Variants in COBL observed in about 807,000 individuals in gnomAD.
COBL encodes the protein cordon-bleu WH2 repeat protein.
Under a neutral mutation model 98.8 loss-of-function variants are expected in COBL, and 51 were observed. That is an observed-to-expected ratio of 0.52 (90% CI 0.41 to 0.65). The LOEUF (loss-of-function observed/expected upper bound fraction) is 0.65, where lower values mean the gene tolerates loss of function less well. COBL is among the 30% of genes least tolerant of loss of function. The pLI, the probability that COBL is intolerant of heterozygous loss-of-function variation, is 0.00. For synonymous variants in COBL, 634 were observed against 651.7 expected, an observed-to-expected ratio of 0.97 and a Z score of 0.41; for missense variants, 1,617 against 1,617.5, an observed-to-expected ratio of 1.00 and a Z score of 0.01.
chr7:51,026,646 T>C lies in COBL; in HGVS notation c.3404A>G (p.Glu1135Gly), dbSNP rs1326438952. 5.6e-6 allele frequency: 9 copies of C among 1,613,972 alleles called. 1 individual carries two copies. In the South Asian group the frequency reaches 9.9e-5, roughly 18 times the overall value. ...GTAGGACAGTTTCGCTGGCCTGCCC[T>C]CCCCGGTGTGTTCTGCCGTCTAGAA... ...RLRKTAEHTG[E>G]GRPAKLSYTE... is the part of the protein sequence containing the mutation. The change falls in exon 11 of 13, where the codon GAG becomes GGG. Residue 1135 changes from glutamate (E) to glycine (G), a missense_variant. Around this residue, in one of 3 missense-constraint regions of COBL, gnomAD observed 1,304 missense variants for 1,282.0 expected, o/e 1.02. Coordinates refer to ENST00000265136, the MANE Select transcript of COBL (RefSeq NM_015198.5).
chr7:51,018,904 AAATATAT>A (rs1319569839), intron 12 of COBL, among the ~76,000 whole-genome samples: 28 of 54,664 alleles, frequency 5.1e-4, no homozygotes, highest in African/African-American at 1.6e-3. Flanking sequence ...AAAAAAAAAA[AAATATAT>A]ATATATATAT....
intron 12 of COBL, among the ~76,000 whole-genome samples, chr7:51,023,366 G>T (rs761994446): frequency 6.6e-6 from 1 of 152,166 alleles, no homozygotes; most frequent in Non-Finnish European, 1.5e-5. Flanking sequence ...TTGCCATCTG[G>T]GTAAGGAGAC....
intron 6 of COBL, among the ~76,000 whole-genome samples, chr7:51,129,557 AGT>A (rs1213924530): frequency 6.6e-6 from 1 of 152,178 alleles, no homozygotes; most frequent in Non-Finnish European, 1.5e-5. Flanking sequence ...TAATGAGCAC[AGT>A]GTTAGACACT....
At chr7:51,117,727 G>A (rs10441470) in intron 6 of COBL, among the ~76,000 whole-genome samples, 13 of 151,942 alleles carry the variant, frequency 8.6e-5, no homozygotes, top group Non-Finnish European at 1.6e-4. Flanking sequence ...TCACATTTTC[G>A]AATAGGTCGC....
intron 1 of COBL, among the ~76,000 whole-genome samples, chr7:51,234,827 G>A (rs996522851): frequency 1.3e-5 from 2 of 152,154 alleles, no homozygotes; most frequent in Admixed American, 1.3e-4. Flanking sequence ...TGTGGAACAC[G>A]TCGCTTGGGT....
intron 5 of COBL, among the ~76,000 whole-genome samples, chr7:51,159,901 G>T (rs887683150): frequency 3.3e-5 from 5 of 152,024 alleles, no homozygotes; most frequent in African/African-American, 1.2e-4. Flanking sequence ...CTATTTTTTT[G>T]TTGTTGTTTT....
chr7:51,174,907 G>A (rs1788225188), intron 5 of COBL, among the ~76,000 whole-genome samples: 1 of 152,126 alleles, frequency 6.6e-6, no homozygotes, highest in African/African-American at 2.4e-5. Flanking sequence ...CGACATATCT[G>A]GTCTAAGTCG....
chr7:51,021,827 G>A (rs1159616349), intron 12 of COBL, among the ~76,000 whole-genome samples: 3 of 152,130 alleles, frequency 2.0e-5, no homozygotes, highest in Admixed American at 6.6e-5. Context: ...TTCCCAAATC[G>A]CAAATGTCTC....
At chr7:51,168,518 G>A (rs1056529738) in intron 5 of COBL, among the ~76,000 whole-genome samples, 2 of 151,930 alleles carry the variant, frequency 1.3e-5, no homozygotes, top group African/African-American at 4.8e-5. Flanking sequence ...ATGAAAAGAT[G>A]GTCAACATCA....
intron 5 of COBL, among the ~76,000 whole-genome samples, chr7:51,154,992 G>A (rs553871607): frequency 6.6e-6 from 1 of 152,290 alleles, no homozygotes; most frequent in Non-Finnish European, 1.5e-5. Flanking sequence ...TCCAGGCACT[G>A]CATTAGTTGA....
At chr7:51,278,299 C>G (rs1293839966) in intron 1 of COBL, among the ~76,000 whole-genome samples, 1 of 151,078 alleles carries the variant, frequency 6.6e-6, no homozygotes, top group Non-Finnish European at 1.5e-5. Flanking sequence ...GCCAGGTGGA[C>G]AAGGCACCCT....
At chr7:51,116,875 G>A (rs1006097367) in intron 6 of COBL, among the ~76,000 whole-genome samples, 3 of 152,188 alleles carry the variant, frequency 2.0e-5, no homozygotes, top group African/African-American at 7.2e-5. Context: ...CTTTAAAGAT[G>A]TCCCATTGTT....
chr7:51,192,819 G>A (rs1044405175), intron 3 of COBL, among the ~76,000 whole-genome samples: 7 of 151,986 alleles, frequency 4.6e-5, no homozygotes, highest in African/African-American at 1.7e-4. Flanking sequence ...GATACCAACT[G>A]CTTCCTGAGT....
At chr7:51,166,734 A>G (rs977443803) in intron 5 of COBL, among the ~76,000 whole-genome samples, 6 of 152,206 alleles carry the variant, frequency 3.9e-5, no homozygotes, top group African/African-American at 1.2e-4. Context: ...ATTCAACAAT[A>G]CATTAGAAAG....
intron 5 of COBL, among the ~76,000 whole-genome samples, chr7:51,171,475 T>C (rs1032179514): frequency 6.6e-6 from 1 of 152,156 alleles, no homozygotes; most frequent in African/African-American, 2.4e-5. Flanking sequence ...TCAATAAAAA[T>C]GAAGAGTCAC....
Position 51,029,294 on chromosome 7 carries a change from T to C in COBL, c.1802A>G (p.His601Arg), listed in dbSNP as rs763221718. ...TTTTCCGACGTCATGGGAAGCGGGG[T>C]GCAGGGCAGGTACTTCCTCCCTTGC... ...EKAREEVPAL[H>R]PASHDVGKGI... Residue 601 changes from histidine to arginine, a missense_variant, in exon 10 of 13, where the codon CAC becomes CGC. Transcript: ENST00000265136. 1 of 1,604,336 alleles carries C rather than the reference T, an allele frequency of 6.2e-7. No homozygotes were observed. The highest frequency in any genetic ancestry group is 1.3e-5 in the African/African-American group (1 of 74,830).
rs192725946 is a variant in COBL, at chr7:51,101,451, C to T, written c.958-16147G>A. On this transcript the variant is annotated intron_variant, in intron 6 of 12. Coordinates refer to ENST00000265136, the MANE Select transcript of COBL (RefSeq NM_015198.5). ...TTATAAAGGAAGAAACTGAAGATTA[C>T]GAAAGATAACTTGTCCAAGATCATA... Among the ~76,000 whole-genome samples, 27 of 152,228 alleles carry T rather than the reference C, an allele frequency of 1.8e-4. No homozygotes were observed. In the East Asian group the frequency reaches 3.3e-3, roughly 19 times the overall value.
At chr7:51,188,754 T>A (rs1789797865) in intron 4 of COBL, among the ~76,000 whole-genome samples, 1 of 152,162 alleles carries the variant, frequency 6.6e-6, no homozygotes, top group Admixed American at 6.5e-5. Flanking sequence ...TCAGAAGAGA[T>A]GCTCTGGGCC....
At chr7:51,122,866 C>T (rs894226846) in intron 6 of COBL, among the ~76,000 whole-genome samples, 2 of 151,902 alleles carry the variant, frequency 1.3e-5, no homozygotes, top group South Asian at 2.1e-4. Flanking sequence ...ATAATCCCAG[C>T]GACTCAGGAG....
Sources: allele counts gnomAD v4.1 joint callset (sites outside exome capture counted in the v4.1 genomes callset), GRCh38; gene constraint gnomAD v4.1.1; regional missense constraint gnomAD v4.1.1; transcripts MANE v1.5; gene names NCBI Gene and HGNC (gene_info 2026-07-23, HGNC 2026-07-21).